Variants in ZNF251 observed in about 807,000 individuals in gnomAD.
ZNF251 encodes the protein zinc finger protein 251.
In ZNF251, 14 loss-of-function variants were observed where a neutral mutation model predicts 13.5. The ratio of observed to expected loss-of-function variants is 1.04; its 90% confidence interval spans 0.69 to 1.63. The LOEUF is 1.63. ZNF251 is among the 40% of genes most tolerant of loss of function. ZNF251 has a pLI of 0.00. For synonymous variants in ZNF251, 287 were observed against 295.2 expected (o/e 0.97, Z 0.28); for missense variants, 764 against 834.9 (o/e 0.92, Z 1.05).
intron 4 of ZNF251, among the ~76,000 whole-genome samples, chr8:144,732,916 T>C (rs934830295): frequency 4.0e-5 from 6 of 151,464 alleles, no homozygotes; most frequent in Non-Finnish European, 8.8e-5. Flanking sequence ...ATAATTTGCT[T>C]GTATGTAATA....
At chr8:144,725,159 G>A (rs1823482212) in intron 4 of ZNF251, among the ~76,000 whole-genome samples, 1 of 152,126 alleles carries the variant, frequency 6.6e-6, no homozygotes, top group Non-Finnish European at 1.5e-5. Flanking sequence ...GACTACAGAT[G>A]CTCACCACTA....
At chr8:144,745,801 A>AAGCTAAG (rs1667676785) in intron 4 of ZNF251, among the ~76,000 whole-genome samples, 1 of 152,080 alleles carries the variant, frequency 6.6e-6, no homozygotes, top group African/African-American at 2.4e-5. Flanking sequence ...CTCCTGCCTT[A>AAGCTAAG]GCCTCCCAAA....
At chr8:144,728,696 A>G (rs1268775902) in intron 4 of ZNF251, among the ~76,000 whole-genome samples, 1 of 151,666 alleles carries the variant, frequency 6.6e-6, no homozygotes, top group Non-Finnish European at 1.5e-5. Context: ...AAATACTGCA[A>G]GAATTACCAA....
chr8:144,732,643 T>C (rs1341876036), intron 4 of ZNF251, among the ~76,000 whole-genome samples: 2 of 151,558 alleles, frequency 1.3e-5, no homozygotes, highest in African/African-American at 2.4e-5. Flanking sequence ...AAACCCCGTC[T>C]CTACTAAAAA....
At position 144,721,389 on chromosome 8, in the gene ZNF251, T is replaced by C. The variant is rs1318425958; in HGVS notation, c.*255A>G. 2.4e-6 allele frequency: 1 copy of C among 409,672 alleles called. No homozygotes were observed. Among genetic ancestry groups the C allele is most frequent in the Non-Finnish European group, 4.2e-6 (1 of 237,252 alleles). The allele number at this position is 409,672 out of a possible 1,614,324, so 25.4% of individuals were successfully genotyped here. Reference sequence around the variant, plus strand: ...CTCACTTTTCACGCCCTCCATCCATTCGTCATGAGTATCCGGATACAGCAC... The same window carrying C: ...CTCACTTTTCACGCCCTCCATCCATCCGTCATGAGTATCCGGATACAGCAC... On this transcript the variant is annotated 3_prime_UTR_variant, in exon 5 of 5. Transcript: ENST00000292562.
chr8:144,751,998 G>C (rs566927034), intron 4 of ZNF251, among the ~76,000 whole-genome samples: 1 of 152,088 alleles, frequency 6.6e-6, no homozygotes, highest in Non-Finnish European at 1.5e-5. Flanking sequence ...ATAGTCATAA[G>C]TGAAGTAAGT....
chr8:144,738,868 G>C (rs1269901627), intron 4 of ZNF251, among the ~76,000 whole-genome samples: 1 of 152,144 alleles, frequency 6.6e-6, no homozygotes, highest in African/African-American at 2.4e-5. Context: ...GGGGGCACCT[G>C]TTTGGGAAGA....
At chr8:144,733,048 CCT>C (rs1823768283) in intron 4 of ZNF251, among the ~76,000 whole-genome samples, 1 of 151,478 alleles carries the variant, frequency 6.6e-6, no homozygotes, top group Non-Finnish European at 1.5e-5. Flanking sequence ...ATGGAGAAAC[CCT>C]GTCTCCACTA....
At chr8:144,738,231 C>T (rs1245399826) in intron 4 of ZNF251, among the ~76,000 whole-genome samples, 2 of 152,190 alleles carry the variant, frequency 1.3e-5, no homozygotes, top group Non-Finnish European at 2.9e-5. Context: ...CTCGTGGAGT[C>T]TCAGGAGGAA....
chr8:144,748,876 G>C (rs915408954), intron 4 of ZNF251, among the ~76,000 whole-genome samples: 2 of 152,194 alleles, frequency 1.3e-5, no homozygotes, highest in African/African-American at 4.8e-5. Flanking sequence ...GTTCCTTATA[G>C]AAAACACAGT....
In ZNF251 at chr8:144,721,646, A is replaced by C; in HGVS notation, c.2014T>G (p.Ter672GluextTer18). 7.4e-7 allele frequency: 1 copy of C among 1,342,518 alleles called. No individual in the cohort carries two copies. The highest frequency in any genetic ancestry group is 9.6e-7 in the Non-Finnish European group (1 of 1,037,162). The allele number at this position is 1,342,518 out of a possible 1,614,324, so 83.2% of individuals were successfully genotyped here. A position where few individuals can be genotyped will look rare whatever the true frequency, so the allele number is the denominator to read the frequency against. ...IKKIFQERHF[*>E] ...AACTGTCTTCTGCATTTATCACATT[A>C]AAAATGTCTTTCTTGGAAAATCTTC... The change falls in exon 5 of 5, where the codon TAA becomes GAA. Residue 672 changes from the stop codon to glutamate, a stop_lost. Coordinates refer to ENST00000292562, the MANE Select transcript of ZNF251 (RefSeq NM_138367.2).
intron 4 of ZNF251, among the ~76,000 whole-genome samples, chr8:144,740,540 G>C (rs1824110681): frequency 1.3e-5 from 2 of 151,834 alleles, no homozygotes; most frequent in South Asian, 4.1e-4. Context: ...GGAGGCTGAG[G>C]CAGGAGAATC....
At chr8:144,740,574 T>C (rs1824112314) in intron 4 of ZNF251, among the ~76,000 whole-genome samples, 1 of 150,486 alleles carries the variant, frequency 6.6e-6, no homozygotes, top group African/African-American at 2.5e-5. Context: ...AGGCAGAAGT[T>C]GCACTGAGCC....
intron 4 of ZNF251, among the ~76,000 whole-genome samples, chr8:144,724,575 T>TC (rs1823465825): frequency 6.6e-6 from 1 of 152,116 alleles, no homozygotes; most frequent in Non-Finnish European, 1.5e-5. Context: ...CCCAAACTAC[T>TC]CCCCTAGGAT....
intron 4 of ZNF251, among the ~76,000 whole-genome samples, chr8:144,750,919 G>A (rs188627625): frequency 1.2e-4 from 18 of 147,528 alleles, no homozygotes; most frequent in East Asian, 4.0e-4. Flanking sequence ...GTGCAATCTT[G>A]GCTCACTGCA....
intron 4 of ZNF251, among the ~76,000 whole-genome samples, chr8:144,737,706 C>G (rs928822178): frequency 6.8e-6 from 1 of 147,648 alleles, no homozygotes; most frequent in Non-Finnish European, 1.5e-5. Flanking sequence ...GTGGCAGGCG[C>G]CTGTAGTCCC....
rs1824926678 is a variant in ZNF251, at chr8:144,755,508, G to GAGGGGGCGGGCTAGGATGA, written c.-198_-180dup. On this transcript the variant is annotated 5_prime_UTR_variant, in exon 1 of 5. Transcript: ENST00000292562. ...CCACAGAACCGGGTCCAGAGCCGGGGAGGGGGCGGGCTAGGATGAAGAGGG... is the reference window on the plus strand; with the variant it reads ...CCACAGAACCGGGTCCAGAGCCGGGGAGGGGGCGGGCTAGGATGAAGGGGGCGGGCTAGGATGAAGAGGG... 22 of 1,286,392 alleles carry GAGGGGGCGGGCTAGGATGA rather than the reference G, an allele frequency of 1.7e-5. No individual in the cohort carries two copies. The highest frequency in any genetic ancestry group is 2.3e-5 in the Admixed American group (1 of 43,510). 79.7% of individuals were successfully genotyped at this position (1,286,392 alleles called of 1,614,324 possible). A position where few individuals can be genotyped will look rare whatever the true frequency, so the allele number is the denominator to read the frequency against.
intron 4 of ZNF251, among the ~76,000 whole-genome samples, chr8:144,737,636 T>C (rs368141527): frequency 6.6e-6 from 1 of 151,690 alleles, no homozygotes; most frequent in Admixed American, 6.6e-5. Flanking sequence ...ATCGAGACCA[T>C]CCTGGCTAAC....
At chr8:144,736,978 AT>A (rs1414530392) in intron 4 of ZNF251, among the ~76,000 whole-genome samples, 1 of 150,622 alleles carries the variant, frequency 6.6e-6, no homozygotes, top group Non-Finnish European at 1.5e-5. Context: ...ATTTTTTTGT[AT>A]TTTTAGTAGA....
Sources: gnomAD v4.1 joint callset for allele counts (sites outside exome capture counted in the v4.1 genomes callset) on GRCh38, gnomAD v4.1.1 for gene constraint, MANE v1.5 for transcripts, NCBI Gene and HGNC (gene_info 2026-07-23, HGNC 2026-07-21) for gene names.